PCNX1: variants seen among roughly 807,000 people sequenced by gnomAD.
PCNX1 encodes pecanex 1, also known as pecanex-like protein 1.
PCNX1 carries 78 observed loss-of-function variants against 242.2 expected under a neutral mutation model. That is an observed-to-expected ratio of 0.32 (90% CI 0.27 to 0.39). PCNX1 has a LOEUF of 0.39. Ranked by LOEUF, PCNX1 falls within the 10% of genes least tolerant of loss-of-function variation. The pLI is 1.00. For synonymous variants in PCNX1, 1,024 were observed against 1,032.9 expected, an observed-to-expected ratio of 0.99 and a Z score of 0.17; for missense variants, 2,581 against 2,856.5, an observed-to-expected ratio of 0.90 and a Z score of 2.20.
At chr14:70,926,940 A>T (rs2056616010) in intron 1 of PCNX1, among the ~76,000 whole-genome samples, 1 of 152,192 alleles carries the variant, frequency 6.6e-6, no homozygotes, top group South Asian at 2.1e-4. Flanking sequence ...GGGAGACAGT[A>T]TAGTTTAGTG....
rs1186425225 is a variant in PCNX1, at chr14:71,017,745, G to A, written c.2997-1264G>A. On this transcript the variant is annotated intron_variant, in intron 11 of 35. Transcript: ENST00000304743. ...TCAGGCAGGCCCAGGATTGAAAAGA[G>A]GTCATTGGATTTAGCAAATCTGAAA... is the stretch of plus-strand genomic sequence containing the variant. 2.6e-5 allele frequency among the ~76,000 whole-genome samples: 4 copies of A among 152,156 alleles called. No individual in the cohort carries two copies. The East Asian group carries it at 7.7e-4, about 29-fold the overall frequency.
At chr14:70,949,337 G>A (rs762820219) in intron 2 of PCNX1, among the ~76,000 whole-genome samples, 7 of 146,200 alleles carry the variant, frequency 4.8e-5, no homozygotes, top group African/African-American at 1.8e-4. Flanking sequence ...ATACACGCAC[G>A]TGCATACACG....
chr14:71,109,487 C>T lies in PCNX1; in HGVS notation c.6780C>T (p.Asn2260=). Residue 2260 remains asparagine, a synonymous_variant, in exon 35 of 36, where the codon AAC becomes AAT. Coordinates refer to ENST00000304743, the MANE Select transcript of PCNX1 (RefSeq NM_014982.3). ...CCAGTCAAATTCTGGAAGGGATCAA[C>T]CTGTCTAAAAGGAAAGAGCTACAGT... ...VDPSQILEGI[N]LSKRKELQWP... 1 of 1,613,420 alleles carries T rather than the reference C, an allele frequency of 6.2e-7. No homozygotes were observed. The highest frequency in any genetic ancestry group is 1.1e-5 in the South Asian group (1 of 91,054).
chr14:70,969,154 C>A, intron 5 of PCNX1, 44 bp downstream of exon 5: 2 of 1,123,452 alleles, frequency 1.8e-6, no homozygotes, highest in Non-Finnish European at 2.7e-6. Context: ...ACTGTGGTGA[C>A]CAGAGTTAAT....
At chr14:70,937,593 C>T (rs931975860) in intron 1 of PCNX1, among the ~76,000 whole-genome samples, 2 of 152,136 alleles carry the variant, frequency 1.3e-5, no homozygotes, top group Non-Finnish European at 2.9e-5. Context: ...GTTCTTTTGG[C>T]TTAGGATTGT....
intron 27 of PCNX1, among the ~76,000 whole-genome samples, chr14:71,074,582 A>T (rs189625176): frequency 6.6e-6 from 1 of 152,250 alleles, no homozygotes; most frequent in Non-Finnish European, 1.5e-5. Flanking sequence ...GCATGGCTGT[A>T]CTCACGGGCT....
intron 11 of PCNX1, among the ~76,000 whole-genome samples, chr14:71,016,232 C>T (rs1457584805): frequency 1.3e-5 from 2 of 152,122 alleles, no homozygotes; most frequent in African/African-American, 4.8e-5. Flanking sequence ...GTTTGTACAC[C>T]TGAAACAGAG....
At chr14:70,994,408 T>C (rs1171171351) in intron 7 of PCNX1, among the ~76,000 whole-genome samples, 34 of 96,608 alleles carry the variant, frequency 3.5e-4, no homozygotes, top group African/African-American at 1.1e-3. Context: ...TATATATATA[T>C]ATATATATAT....
At chr14:70,948,758 C>CAT (rs1489430902) in intron 2 of PCNX1, among the ~76,000 whole-genome samples, 3 of 144,820 alleles carry the variant, frequency 2.1e-5, no homozygotes, top group African/African-American at 7.7e-5. Flanking sequence ...CATATATGTA[C>CAT]ATATACACAT....
Position 70,980,292 on chromosome 14 carries a change from C to T in PCNX1, c.2311+1644C>T, listed in dbSNP as rs566359154. Among the ~76,000 whole-genome samples, 120 of 151,740 alleles carry T rather than the reference C, an allele frequency of 7.9e-4. 1 individual carries two copies. Among genetic ancestry groups the T allele is most frequent in the Middle Eastern group, 3.4e-3 (1 of 292 alleles). On this transcript the variant is annotated intron_variant, in intron 6 of 35. Coordinates refer to ENST00000304743, the MANE Select transcript of PCNX1 (RefSeq NM_014982.3). ...TACCTGAAAGGTGTTATTTGCTTCT[C>T]GGTGCTGTTCTTTAAGCTATATTAG...
chr14:70,988,750 T>TA, intron 7 of PCNX1, 51 bp downstream of exon 7: 1 of 1,571,968 alleles, frequency 6.4e-7, no homozygotes, highest in African/African-American at 1.3e-5. Context: ...ACAACCCTTC[T>TA]AATCTGTTCC....
chr14:71,072,574 A>G (rs1213789671), intron 26 of PCNX1, among the ~76,000 whole-genome samples: 1 of 152,194 alleles, frequency 6.6e-6, no homozygotes, highest in Non-Finnish European at 1.5e-5. Context: ...GTGTCATGGT[A>G]TCAGTTTCTC....
intron 26 of PCNX1, among the ~76,000 whole-genome samples, chr14:71,071,518 A>G (rs900654811): frequency 2.8e-4 from 42 of 152,072 alleles, no homozygotes; most frequent in Middle Eastern, 3.2e-3. Flanking sequence ...GTGAGTCCTC[A>G]TGTGATCTGG....
rs527909695 is a variant in PCNX1, at chr14:71,023,772, A to G, written c.3183+540A>G. Among the ~76,000 whole-genome samples, 59 of 152,212 alleles carry G rather than the reference A, an allele frequency of 3.9e-4. No individual in the cohort carries two copies. The South Asian group carries it at 0.011, about 27-fold the overall frequency. On this transcript the variant is annotated intron_variant, in intron 13 of 35. Transcript: ENST00000304743. The stretch of plus-strand genomic sequence containing the variant: ...GAAATGGGATCCAATTTTAGATGTA[A>G]ATTGAGGTTTTAATAGAACAGAGGA...
chr14:70,984,066 T>A (rs2058924727), intron 6 of PCNX1, among the ~76,000 whole-genome samples: 1 of 151,512 alleles, frequency 6.6e-6, no homozygotes, highest in Non-Finnish European at 1.5e-5. Context: ...AGATGCCTTT[T>A]CTTTTTCTGA....
At chr14:71,062,531 A>G (rs934491133) in intron 26 of PCNX1, among the ~76,000 whole-genome samples, 1 of 152,014 alleles carries the variant, frequency 6.6e-6, no homozygotes, top group African/African-American at 2.4e-5. Flanking sequence ...CTTACAGAAT[A>G]AGGATATAAG....
At chr14:71,014,346 A>G (rs1186471054) in intron 11 of PCNX1, among the ~76,000 whole-genome samples, 3 of 152,236 alleles carry the variant, frequency 2.0e-5, no homozygotes, top group African/African-American at 7.2e-5. Context: ...TAAGATTCAC[A>G]ATGTCTAGCA....
intron 3 of PCNX1, among the ~76,000 whole-genome samples, chr14:70,965,951 C>A (rs1264425812): frequency 6.6e-6 from 1 of 152,034 alleles, no homozygotes; most frequent in African/African-American, 2.4e-5. Flanking sequence ...TAAAAAGATA[C>A]TGTTTTTTCT....
At position 71,009,733 on chromosome 14, in the gene PCNX1, G is replaced by A; in HGVS notation, c.2720+9G>A. 3 of 1,532,572 alleles carry A rather than the reference G, an allele frequency of 2.0e-6. No individual in the cohort carries two copies. The highest frequency in any genetic ancestry group is 2.7e-6 in the Non-Finnish European group (3 of 1,109,420). The allele number at this position is 1,532,572 out of a possible 1,614,324, so 94.9% of individuals were successfully genotyped here. A position where few individuals can be genotyped will look rare whatever the true frequency, so the allele number is the denominator to read the frequency against. On this transcript the variant is annotated intron_variant, in intron 9 of 35. Transcript: ENST00000304743. Reference sequence around the variant, plus strand: ...AGAGCATCCAATATCTGGTATGTGTGAAGTCATATTAGGAGTGTGTGTACT... The same window carrying A: ...AGAGCATCCAATATCTGGTATGTGTAAAGTCATATTAGGAGTGTGTGTACT...
Sources: gnomAD v4.1 joint callset for allele counts (sites outside exome capture counted in the v4.1 genomes callset) on GRCh38, gnomAD v4.1.1 for gene constraint, MANE v1.5 for transcripts, NCBI Gene and HGNC (gene_info 2026-07-23, HGNC 2026-07-21) for gene names.